Variants in PSMG2 observed in about 807,000 individuals in gnomAD.
PSMG2 encodes the protein CD40 ligand-activated specific transcript 3.
PSMG2 carries 21 observed loss-of-function variants against 31.5 expected under a neutral mutation model. The observed-to-expected ratio is 0.67, with a 90% CI of 0.47 to 0.96. The LOEUF (loss-of-function observed/expected upper bound fraction) is 0.96, where lower values mean the gene tolerates loss of function less well. Among genes scored for constraint, PSMG2 ranks in the 40% least tolerant of loss-of-function variants. PSMG2 has a pLI of 0.00. For missense variants in PSMG2, 318 were observed against 321.2 expected (o/e 0.99, Z 0.08); for synonymous variants, 120 against 110.4 (o/e 1.09, Z -0.54).
intron 3 of PSMG2, among the ~76,000 whole-genome samples, chr18:12,713,317 T>C (rs1267413717): frequency 6.6e-6 from 1 of 152,126 alleles, no homozygotes; most frequent in African/African-American, 2.4e-5. Context: ...GAAAAGGGGC[T>C]CGCTTCCTGA....
At chr18:12,708,989 G>A (rs756031628) in intron 2 of PSMG2, among the ~76,000 whole-genome samples, 7 of 152,012 alleles carry the variant, frequency 4.6e-5, no homozygotes, top group Non-Finnish European at 8.8e-5. Flanking sequence ...TGGGATTACA[G>A]GTGTGAGGAG....
chr18:12,673,396 A>G, intron 1 of PSMG2: 1 of 1,607,610 alleles, frequency 6.2e-7, no homozygotes, highest in South Asian at 1.1e-5. Context: ...ACAAGCAAAC[A>G]TGATCCAAAC....
chr18:12,668,597 C>CAAAA (rs752216074), intron 1 of PSMG2, among the ~76,000 whole-genome samples: 1,982 of 72,626 alleles, frequency 0.027, 250 homozygotes, highest in African/African-American at 0.039. Context: ...GATTCCATCT[C>CAAAA]AAAAAAAAAA....
At chr18:12,707,456 T>A (rs1419258058) in intron 2 of PSMG2, among the ~76,000 whole-genome samples, 1 of 152,180 alleles carries the variant, frequency 6.6e-6, no homozygotes, top group Non-Finnish European at 1.5e-5. Context: ...CTTATCCTCG[T>A]AGTCATCTTC....
chr18:12,671,865 C>T (rs895550062), intron 1 of PSMG2, among the ~76,000 whole-genome samples: 4 of 151,968 alleles, frequency 2.6e-5, no homozygotes, highest in South Asian at 2.1e-4. Context: ...CTGTTGCCCA[C>T]GCTGGAGTAC....
In PSMG2 at chr18:12,706,545, T is replaced by C; in HGVS notation, c.58-5T>C. On this transcript the variant is annotated splice_region_variant and splice_polypyrimidine_tract_variant and intron_variant, in intron 1 of 6. Transcript: ENST00000317615. ...ACTTACTGAACATATCTTTTATAAT[T>C]TCAGCCAGCAGTATCTGTTGGAAAT... 1 of 1,612,730 alleles carries C rather than the reference T, an allele frequency of 6.2e-7. No homozygotes were observed. The highest frequency in any genetic ancestry group is 2.2e-5 in the East Asian group (1 of 44,852).
chr18:12,674,251 A>G (rs139075277), intron 1 of PSMG2, among the ~76,000 whole-genome samples: 4 of 152,160 alleles, frequency 2.6e-5, no homozygotes, highest in Non-Finnish European at 5.9e-5. Context: ...AGCCTGGGCA[A>G]CATAGGAAGA....
At chr18:12,702,708 G>A (rs947528080), upstream of PSMG2, 3 of 743,012 alleles carry the variant, frequency 4.0e-6, no homozygotes, top group Admixed American at 9.6e-5. Flanking sequence ...GTCAGGCCGG[G>A]GGCTGACCTG....
At chr18:12,678,272 T>A in intron 1 of PSMG2, 1 of 1,614,114 alleles carries the variant, frequency 6.2e-7, no homozygotes, top group Non-Finnish European at 8.5e-7. Flanking sequence ...GGGTTTCCAT[T>A]TGGATTCATC....
chr18:12,680,783 C>T, intron 1 of PSMG2: 1 of 1,613,654 alleles, frequency 6.2e-7, no homozygotes, highest in Non-Finnish European at 8.5e-7. Context: ...AATCCATATC[C>T]AAGAAGAAGG....
intron 1 of PSMG2, among the ~76,000 whole-genome samples, chr18:12,666,531 C>T (rs1024249699): frequency 1.3e-5 from 2 of 148,682 alleles, no homozygotes; most frequent in Admixed American, 1.4e-4. Context: ...CTCCTAACGT[C>T]CCGCCTCAAT....
chr18:12,700,914 A>T, upstream of PSMG2: 1 of 1,497,662 alleles, frequency 6.7e-7, no homozygotes, highest in Non-Finnish European at 9.2e-7. Flanking sequence ...ACGCATTAGT[A>T]TATACATATA....
chr18:12,663,979 A>G (rs1466834910), intron 1 of PSMG2, among the ~76,000 whole-genome samples: 1 of 152,166 alleles, frequency 6.6e-6, no homozygotes, highest in East Asian at 1.9e-4. Flanking sequence ...AGCCTGACCA[A>G]CATGGAGAAA....
intron 1 of PSMG2, among the ~76,000 whole-genome samples, chr18:12,704,358 A>G (rs1346442725): frequency 6.6e-6 from 1 of 152,152 alleles, no homozygotes; most frequent in Non-Finnish European, 1.5e-5. Context: ...GGCCGAGTAC[A>G]GGAGGATCGC....
chr18:12,699,804 CTAAAT>C, upstream of PSMG2: 2 of 1,301,498 alleles, frequency 1.5e-6, no homozygotes, highest in African/African-American at 1.5e-5. Flanking sequence ...TTAACCACAA[CTAAAT>C]TAATGTTAAA....
intron 1 of PSMG2, among the ~76,000 whole-genome samples, chr18:12,688,735 G>A (rs2145056946): frequency 6.6e-6 from 1 of 152,224 alleles, no homozygotes; most frequent in Non-Finnish European, 1.5e-5. Context: ...ATTATTTTTA[G>A]TCATAATAGC....
At chr18:12,701,956 G>A (rs1417702431), upstream of PSMG2, among the ~76,000 whole-genome samples, 1 of 151,944 alleles carries the variant, frequency 6.6e-6, no homozygotes, top group African/African-American at 2.4e-5. Context: ...TGGTGAAACC[G>A]TCTCTACTAA....
chr18:12,666,771 T>C (rs2038813774), intron 1 of PSMG2, among the ~76,000 whole-genome samples: 1 of 152,102 alleles, frequency 6.6e-6, no homozygotes, highest in Non-Finnish European at 1.5e-5. Flanking sequence ...ACTTTTGAAT[T>C]GATTTATTCT....
intron 1 of PSMG2, among the ~76,000 whole-genome samples, chr18:12,695,924 C>T (rs1427999954): frequency 6.6e-6 from 1 of 151,824 alleles, no homozygotes; most frequent in East Asian, 1.9e-4. Flanking sequence ...CTTATAGTAA[C>T]TCCCATTTGT....
Sources: allele counts gnomAD v4.1 joint callset (sites outside exome capture counted in the v4.1 genomes callset), GRCh38; gene constraint gnomAD v4.1.1; transcripts MANE v1.5; gene names NCBI Gene and HGNC (gene_info 2026-07-23, HGNC 2026-07-21).